Variants in MBTPS1 observed in about 807,000 individuals in gnomAD.
MBTPS1 encodes the protein membrane bound transcription factor peptidase, site 1.
Under a neutral mutation model 127.8 loss-of-function variants are expected in MBTPS1, and 94 were observed. The ratio of observed to expected loss-of-function variants is 0.74; its 90% CI spans 0.62 to 0.87. MBTPS1 has a LOEUF of 0.87. Among genes scored for constraint, MBTPS1 ranks in the 40% least tolerant of loss-of-function variants. The pLI is 0.00. For synonymous variants in MBTPS1, 632 were observed against 509.4 expected, an observed-to-expected ratio of 1.24 and a Z score of -3.24; for missense variants, 1,636 against 1,353.2, an observed-to-expected ratio of 1.21 and a Z score of -3.28.
rs985832273 is a variant in MBTPS1 at position 84,053,779 on chromosome 16, G to T, written c.*670C>A. On this transcript the variant is annotated 3_prime_UTR_variant, in exon 23 of 23. Coordinates refer to ENST00000343411, the MANE Select transcript of MBTPS1 (RefSeq NM_003791.4). Reference sequence around the variant, plus strand: ...CACAGTATCTTTAAGCTTCAGACGGGTAATACATATTTATTGAAAATTTTC... The same window carrying T: ...CACAGTATCTTTAAGCTTCAGACGGTTAATACATATTTATTGAAAATTTTC... 2 of 152,300 alleles carry T rather than the reference G, an allele frequency of 1.3e-5. No homozygotes were observed. Among genetic ancestry groups the T allele is most frequent in the Non-Finnish European group, 2.9e-5 (2 of 68,014 alleles). 9.4% of individuals were successfully genotyped at this position (152,300 alleles called of 1,614,324 possible). A position where few individuals can be genotyped will look rare whatever the true frequency, so the allele number is the denominator to read the frequency against.
chr16:84,092,345 T>C (rs559801243), intron 6 of MBTPS1, among the ~76,000 whole-genome samples: 1 of 152,376 alleles, frequency 6.6e-6, no homozygotes, highest in Non-Finnish European at 1.5e-5. Flanking sequence ...TTACAAAAGC[T>C]TCATTACTTT....
chr16:84,103,321 T>G (rs2086283179), intron 1 of MBTPS1, among the ~76,000 whole-genome samples: 1 of 151,160 alleles, frequency 6.6e-6, no homozygotes, highest in African/African-American at 2.4e-5. Context: ...TGGCGCAATC[T>G]CTGCACAGTT....
rs1247172835 is a variant in MBTPS1, at chr16:84,053,847, T to C, written c.*602A>G. 4.6e-5 allele frequency: 7 copies of C among 152,134 alleles called. No individual in the cohort carries two copies. Among genetic ancestry groups the C allele is most frequent in the Non-Finnish European group, 1.0e-4 (7 of 68,028 alleles). The allele number at this position is 152,134 out of a possible 1,614,324, so 9.4% of individuals were successfully genotyped here. On this transcript the variant is annotated 3_prime_UTR_variant, in exon 23 of 23. Transcript: ENST00000343411. ...AATCAAGACCTCAAATTACAAAACATGGTGGCAGGTGATACTTACAAAAAT... is the reference window on the plus strand; with the variant it reads ...AATCAAGACCTCAAATTACAAAACACGGTGGCAGGTGATACTTACAAAAAT...
At chr16:84,063,197 G>T in intron 19 of MBTPS1, 108 bp downstream of exon 19, 1 of 1,199,720 alleles carries the variant, frequency 8.3e-7, no homozygotes, top group Non-Finnish European at 1.2e-6. Flanking sequence ...TGGCTCAAGT[G>T]AACAGATGTC....
rs760842300 is a variant in MBTPS1, at chr16:84,054,636, G to C, written c.2972C>G (p.Pro991Arg). ...GAWDIPGGIMPGRYNQEVGQT... is the reference protein window; with the variant it reads ...GAWDIPGGIMRGRYNQEVGQT... ...GCCCACCTCCTGGTTGTAGCGGCCA[G>C]GCATGATCCCTGTAAGAGGACAGCC... is the stretch of plus-strand genomic sequence containing the variant. Residue 991 changes from proline to arginine, a missense_variant, in exon 23 of 23, where the codon CCT (proline) becomes CGT (arginine). By Grantham distance (103) the Pro-to-Arg change is moderately radical. Coordinates refer to ENST00000343411, the MANE Select transcript of MBTPS1 (RefSeq NM_003791.4). The C allele has an allele frequency of 7.7e-5, 123 of 1,600,814 alleles. No homozygotes were observed. The highest frequency in any genetic ancestry group is 1.0e-4 in the Non-Finnish European group (119 of 1,172,350).
intron 9 of MBTPS1, chr16:84,086,681 G>C (rs1256119050): frequency 6.6e-6 from 1 of 152,348 alleles, no homozygotes; most frequent in African/African-American, 2.4e-5. Context: ...AGTGTGGCAT[G>C]TGACGTTAAA....
chr16:84,073,612 C>T (rs2085805773), intron 12 of MBTPS1, among the ~76,000 whole-genome samples: 1 of 151,846 alleles, frequency 6.6e-6, no homozygotes. Context: ...TGGTTTTTCC[C>T]TATTTTTTAT....
At chr16:84,093,875 G>C (rs969783601) in intron 4 of MBTPS1, 54 bp from the exon 5 acceptor site, 5 of 1,304,794 alleles carry the variant, frequency 3.8e-6, no homozygotes, top group Non-Finnish European at 5.5e-6. Context: ...CATCATTTTG[G>C]ATTTTGCCTA....
At chr16:84,077,455 T>C (rs1341291275) in intron 11 of MBTPS1, among the ~76,000 whole-genome samples, 1 of 152,086 alleles carries the variant, frequency 6.6e-6, no homozygotes, top group African/African-American at 2.4e-5. Flanking sequence ...TATGAAAACT[T>C]AGTACATAAT....
intron 10 of MBTPS1, among the ~76,000 whole-genome samples, chr16:84,082,874 A>T (rs2085961233): frequency 6.6e-6 from 1 of 152,202 alleles, no homozygotes; most frequent in African/African-American, 2.4e-5. Context: ...CTTTCACAGC[A>T]TCATCAGGCT....
chr16:84,054,357 C>T lies in MBTPS1; in HGVS notation c.*92G>A, dbSNP rs1567466854. On this transcript the variant is annotated 3_prime_UTR_variant, in exon 23 of 23. Transcript: ENST00000343411. ...CAAACCTGCAGCTGGAAACTGGATCCCTTTTAAACCAGCCGCCACCACAGC... is the reference window on the plus strand; with the variant it reads ...CAAACCTGCAGCTGGAAACTGGATCTCTTTTAAACCAGCCGCCACCACAGC... 11 of 1,176,476 alleles carry T rather than the reference C, an allele frequency of 9.3e-6. No individual in the cohort carries two copies. Among genetic ancestry groups the T allele is most frequent in the Admixed American group, 2.9e-5 (1 of 34,446 alleles). The allele number at this position is 1,176,476 out of a possible 1,614,324, so 72.9% of individuals were successfully genotyped here.
chr16:84,091,709 C>T, intron 7 of MBTPS1, 23 bp downstream of exon 7: 1 of 1,533,918 alleles, frequency 6.5e-7, no homozygotes. Context: ...CACCCAAACC[C>T]CGTGTGCAGT....
At position 84,072,618 on chromosome 16, in the gene MBTPS1, G is replaced by A. The variant is rs549543069; in HGVS notation, c.1594-1842C>T. Among the ~76,000 whole-genome samples, 16 of 152,116 alleles carry A rather than the reference G, an allele frequency of 1.1e-4. No individual in the cohort carries two copies. The East Asian group carries it at 2.1e-3, about 20-fold the overall frequency. On this transcript the variant is annotated intron_variant, in intron 12 of 22. Transcript: ENST00000343411. ...CATCCTGGCTAACATGGTGAAACCC[G>A]TCTCTACTAAAAATACAAAAAATTA...
Position 84,059,418 on chromosome 16 carries a change from A to C in MBTPS1, c.2715T>G (p.Leu905=). Residue 905 remains leucine, a synonymous_variant, in exon 21 of 23, where the codon CTT becomes CTG. Coordinates refer to ENST00000343411, the MANE Select transcript of MBTPS1 (RefSeq NM_003791.4). ...VTPERMEGNH[L]HRYSKVLEAH... ...CCTCCAGAACCTTGGAGTACCGATGAAGATGGTTTCCTGTGGTTAGCAGCA... is the reference window on the plus strand; with the variant it reads ...CCTCCAGAACCTTGGAGTACCGATGCAGATGGTTTCCTGTGGTTAGCAGCA... The C allele has an allele frequency of 1.9e-6, 3 of 1,612,332 alleles. No individual in the cohort carries two copies. The highest frequency in any genetic ancestry group is 2.5e-6 in the Non-Finnish European group (3 of 1,178,982).
intron 1 of MBTPS1, among the ~76,000 whole-genome samples, chr16:84,113,657 T>G (rs1454383773): frequency 6.6e-6 from 1 of 152,210 alleles, no homozygotes; most frequent in African/African-American, 2.4e-5. Flanking sequence ...CATCTGAAAT[T>G]ATCTCTTTAA....
chr16:84,103,921 C>T (rs1172611644), intron 1 of MBTPS1, among the ~76,000 whole-genome samples: 3 of 152,070 alleles, frequency 2.0e-5, no homozygotes, highest in Non-Finnish European at 1.5e-5. Context: ...AATAACAATG[C>T]CAACTGCAAG....
At chr16:84,113,992 G>C (rs1478699791) in intron 1 of MBTPS1, among the ~76,000 whole-genome samples, 1 of 143,914 alleles carries the variant, frequency 6.9e-6, no homozygotes, top group Non-Finnish European at 1.5e-5. Context: ...TTGAGACGGA[G>C]TCTCGCTCTG....
chr16:84,086,696 A>C (rs2086032815), intron 9 of MBTPS1: 1 of 152,296 alleles, frequency 6.6e-6, no homozygotes, highest in East Asian at 1.9e-4. Context: ...GTTAAACACC[A>C]AGAGATGCTC....
chr16:84,101,423 G>A (rs1005853917), intron 2 of MBTPS1, among the ~76,000 whole-genome samples, 198 bp downstream of exon 2: 2 of 151,784 alleles, frequency 1.3e-5, no homozygotes, highest in African/African-American at 4.8e-5. Flanking sequence ...TCCAGGAGGT[G>A]GAGGTTACAG....
Sources: gnomAD v4.1 joint callset for allele counts (sites outside exome capture counted in the v4.1 genomes callset) on GRCh38, gnomAD v4.1.1 for gene constraint, MANE v1.5 for transcripts, NCBI Gene and HGNC (gene_info 2026-07-23, HGNC 2026-07-21) for gene names.